Variants in EYA1 observed in about 807,000 individuals in gnomAD.
EYA1 encodes EYA transcriptional coactivator and phosphatase 1.
In EYA1, 16 loss-of-function variants were observed where a neutral mutation model predicts 82.0. The ratio of observed to expected loss-of-function variants is 0.20; its 90% confidence interval spans 0.13 to 0.30. The LOEUF (loss-of-function observed/expected upper bound fraction) is 0.30. EYA1 is among the 10% of genes least tolerant of loss of function. EYA1 has a pLI of 1.00. For synonymous variants in EYA1, 261 were observed against 264.4 expected (o/e 0.99, Z 0.12); for missense variants, 633 against 730.7 (o/e 0.87, Z 1.54).
rs551568857 is a variant in EYA1 at position 71,322,401 on chromosome 8, G to A, written c.203-133C>T. On this transcript the variant is annotated intron_variant, in intron 4 of 17. Coordinates refer to ENST00000340726, the MANE Select transcript of EYA1 (RefSeq NM_000503.6). ...CAGATATTTGGTCTTTGTGACCTGC[G>A]GAGATGGAAATTTCATATGGTTCCA... The A allele has an allele frequency of 1.6e-4, 123 of 752,234 alleles. 1 individual carries two copies. Among genetic ancestry groups the A allele is most frequent in the Non-Finnish European group, 2.2e-4 (93 of 430,556 alleles). 46.6% of individuals were successfully genotyped at this position (752,234 alleles called of 1,614,324 possible). A position where few individuals can be genotyped will look rare whatever the true frequency, so the allele number is the denominator to read the frequency against.
chr8:71,321,226 A>AC (rs1207041385), intron 6 of EYA1, among the ~76,000 whole-genome samples: 1 of 152,190 alleles, frequency 6.6e-6, no homozygotes, highest in Non-Finnish European at 1.5e-5. Context: ...TCTTCAAAGT[A>AC]CACTCCAGGC....
intron 9 of EYA1, among the ~76,000 whole-genome samples, chr8:71,291,844 C>T (rs1431131672): frequency 6.6e-6 from 1 of 152,084 alleles, no homozygotes; most frequent in African/African-American, 2.4e-5. Context: ...TGTAAGATTA[C>T]ATGTGGTAAT....
At chr8:71,478,545 T>G (rs1187224738) in intron 2 of EYA1, among the ~76,000 whole-genome samples, 1 of 152,200 alleles carries the variant, frequency 6.6e-6, no homozygotes. Flanking sequence ...ATGAGCTTCA[T>G]AAGGATTAAA....
chr8:71,446,403 C>A (rs1806879604), intron 2 of EYA1, among the ~76,000 whole-genome samples: 1 of 151,626 alleles, frequency 6.6e-6, no homozygotes, highest in African/African-American at 2.4e-5. Context: ...GTGACTGCTT[C>A]CCCTTCTGCC....
In EYA1 at chr8:71,211,039, T is replaced by G. The variant is rs565477317; in HGVS notation, c.1698+117A>C. On this transcript the variant is annotated intron_variant, in intron 17 of 17. Transcript: ENST00000340726. ...ACTTTACCCTGTTCAGTGCTTAGAG[T>G]ACTGCACATATTCATCACGTTTCAC... 1.4e-5 allele frequency: 11 copies of G among 759,116 alleles called. No homozygotes were observed. The East Asian group carries it at 2.7e-4, about 19-fold the overall frequency. 47.0% of individuals were successfully genotyped at this position (759,116 alleles called of 1,614,324 possible).
At chr8:71,208,285 A>G (rs1470621513) in intron 17 of EYA1, among the ~76,000 whole-genome samples, 1 of 152,030 alleles carries the variant, frequency 6.6e-6, no homozygotes, top group Non-Finnish European at 1.5e-5. Context: ...TACAAAAATT[A>G]GCCAGGCATC....
At chr8:71,408,722 G>C (rs1353046753) in intron 2 of EYA1, among the ~76,000 whole-genome samples, 1 of 130,170 alleles carries the variant, frequency 7.7e-6, no homozygotes, top group African/African-American at 3.1e-5. Context: ...GATTCATAAA[G>C]CAAGTCCTGA....
intron 11 of EYA1, among the ~76,000 whole-genome samples, chr8:71,263,040 G>C (rs1208664441): frequency 6.6e-6 from 1 of 152,222 alleles, no homozygotes; most frequent in Non-Finnish European, 1.5e-5. Flanking sequence ...GGCTCTGTCA[G>C]TGTGGCTAGA....
At position 71,332,251 on chromosome 8, in the gene EYA1, C is replaced by A. The variant is rs540652707; in HGVS notation, c.202+1846G>T. Among the ~76,000 whole-genome samples the A allele has an allele frequency of 5.3e-5, 8 of 152,240 alleles. No individual in the cohort carries two copies. In the East Asian group the frequency reaches 1.5e-3, roughly 29 times the overall value. On this transcript the variant is annotated intron_variant, in intron 4 of 17. Coordinates refer to ENST00000340726, the MANE Select transcript of EYA1 (RefSeq NM_000503.6). ...AGTTCTGTCTTCAACTTTGTTTACC[C>A]CACTAGCTTTAACTCCCTGTATACC... is the stretch of plus-strand genomic sequence containing the variant.
chr8:71,275,211 T>G (rs1273478325), intron 9 of EYA1, among the ~76,000 whole-genome samples: 3 of 152,132 alleles, frequency 2.0e-5, no homozygotes, highest in African/African-American at 7.2e-5. Context: ...TAAGGAGATC[T>G]GAAGTGTCAT....
chr8:71,485,231 G>C (rs924124932), intron 2 of EYA1, among the ~76,000 whole-genome samples: 16 of 152,136 alleles, frequency 1.1e-4, no homozygotes, highest in Admixed American at 3.3e-4. Flanking sequence ...TTTGACCAAA[G>C]ATTCATGTAT....
intron 17 of EYA1, among the ~76,000 whole-genome samples, chr8:71,202,148 C>T (rs909265982): frequency 6.6e-6 from 1 of 151,796 alleles, no homozygotes; most frequent in Non-Finnish European, 1.5e-5. Flanking sequence ...TCCCCACAGA[C>T]AAGTTACAAC....
At chr8:71,301,291 A>G (rs1820171688) in intron 7 of EYA1, among the ~76,000 whole-genome samples, 1 of 152,186 alleles carries the variant, frequency 6.6e-6, no homozygotes. Flanking sequence ...CTAAAACATA[A>G]TTTCCTTATC....
chr8:71,459,532 C>T (rs1236861543), intron 2 of EYA1, among the ~76,000 whole-genome samples: 1 of 152,162 alleles, frequency 6.6e-6, no homozygotes, highest in Non-Finnish European at 1.5e-5. Context: ...CCAAGGTCTA[C>T]ATAAGCTTCT....
intron 9 of EYA1, among the ~76,000 whole-genome samples, chr8:71,281,534 C>T (rs1026736179): frequency 7.2e-5 from 11 of 152,232 alleles, no homozygotes; most frequent in African/African-American, 2.7e-4. Context: ...CAGTCTTAAA[C>T]ATCTGAAAGA....
upstream of EYA1, among the ~76,000 whole-genome samples, chr8:71,364,133 T>G (rs1180311523): frequency 6.6e-6 from 1 of 151,872 alleles, no homozygotes; most frequent in Non-Finnish European, 1.5e-5. Context: ...AGTAAAATCA[T>G]GATGAATGTA....
chr8:71,217,465 G>A (rs917354047), intron 12 of EYA1, among the ~76,000 whole-genome samples: 1 of 152,120 alleles, frequency 6.6e-6, no homozygotes, highest in African/African-American at 2.4e-5. Context: ...GATTGCTGTT[G>A]AGCCACACAC....
intron 3 of EYA1, among the ~76,000 whole-genome samples, chr8:71,345,968 TC>T (rs1012005547): frequency 1.3e-5 from 2 of 151,964 alleles, no homozygotes; most frequent in African/African-American, 4.8e-5. Context: ...CTGTGCATGC[TC>T]CTCATCTTAC....
At chr8:71,283,747 C>T (rs1452030298) in intron 9 of EYA1, among the ~76,000 whole-genome samples, 1 of 152,128 alleles carries the variant, frequency 6.6e-6, no homozygotes, top group Non-Finnish European at 1.5e-5. Flanking sequence ...CCTCTGGTCT[C>T]AACTGATTGA....
Sources: allele counts gnomAD v4.1 joint callset (sites outside exome capture counted in the v4.1 genomes callset), GRCh38; gene constraint gnomAD v4.1.1; transcripts MANE v1.5; gene names NCBI Gene and HGNC (gene_info 2026-07-23, HGNC 2026-07-21).